C1orf35: variants seen among roughly 807,000 people sequenced by gnomAD.
C1orf35 encodes multiple myeloma tumor-associated protein 2.
C1orf35 carries 36 observed loss-of-function variants against 30.9 expected under a neutral mutation model. The ratio of observed to expected loss-of-function variants is 1.16; its 90% CI spans 0.89 to 1.54. C1orf35 has a LOEUF of 1.54. Among genes scored for constraint, C1orf35 ranks in the 40% most tolerant of loss-of-function variants. C1orf35 has a pLI of 0.00. For missense variants in C1orf35, 396 were observed against 358.7 expected (o/e 1.10, Z -0.84); for synonymous variants, 179 against 148.2 (o/e 1.21, Z -1.51).
chr1:228,101,543 C>A, intron 6 of C1orf35, 70 bp from the exon 7 acceptor site: 7 of 1,587,044 alleles, frequency 4.4e-6, no homozygotes, highest in Non-Finnish European at 6.0e-6. Context: ...ACAAGCAGGC[C>A]CCATCCAGAT....
chr1:228,101,652 A>T (rs1053905659), intron 6 of C1orf35, 179 bp from the exon 7 acceptor site: 4 of 1,457,760 alleles, frequency 2.7e-6, no homozygotes, highest in Non-Finnish European at 2.7e-6. Context: ...TACGTGGGTT[A>T]GAAACAGATG....
chr1:228,101,942 A>G (rs2032976398), intron 6 of C1orf35, 138 bp downstream of exon 6: 3 of 1,425,952 alleles, frequency 2.1e-6, no homozygotes, highest in Non-Finnish European at 2.7e-6. Flanking sequence ...AGTAACTGGG[A>G]CAGGAAGTAA....
At chr1:228,101,820 G>A (rs539414015) in intron 6 of C1orf35, 8 of 1,413,632 alleles carry the variant, frequency 5.7e-6, no homozygotes, top group South Asian at 4.7e-5. Context: ...GCAGGAAAAG[G>A]CCCCGCCCCA....
rs1201756399 is a variant in C1orf35, at chr1:228,102,379, G to A, written c.378C>T (p.Gly126=). The stretch of plus-strand genomic sequence containing the variant: ...GGGACATCGCCACGCGGCCCACGGA[G>A]CCACTGCAGGGACATGGCGATGAAG... ...DRLLGLGSAS[G]SVGRVAMSRE... is the part of the protein sequence containing the mutation. The change falls in exon 5 of 8, where the codon GGC becomes GGT. Residue 126 remains glycine, a synonymous_variant. Transcript: ENST00000272139. 2 of 1,610,442 alleles carry A rather than the reference G, an allele frequency of 1.2e-6. No homozygotes were observed. Among genetic ancestry groups the A allele is most frequent in the Non-Finnish European group, 1.7e-6 (2 of 1,179,468 alleles).
At chr1:228,101,824 C>G in intron 6 of C1orf35, 1 of 1,415,574 alleles carries the variant, frequency 7.1e-7, no homozygotes, top group African/African-American at 1.4e-5. Context: ...GAAAAGGCCC[C>G]GCCCCAGGTC....
rs922747896 is a variant in C1orf35 at position 228,102,255 on chromosome 1, C to A, written c.447+55G>T. ...CCCGGGGAGCTCCGTTCAGTGCCCC[C>A]GCCCCGCCCCACCCCTGTTAGCCCC... On this transcript the variant is annotated intron_variant, in intron 5 of 7. Transcript: ENST00000272139. The A allele has an allele frequency of 5.0e-5, 80 of 1,586,936 alleles. No homozygotes were observed. The African/African-American group carries it at 8.2e-4, about 16-fold the overall frequency.
At chr1:228,101,712 T>G (rs2032950462) in intron 6 of C1orf35, 1 of 1,424,240 alleles carries the variant, frequency 7.0e-7, no homozygotes, top group Non-Finnish European at 9.1e-7. Context: ...AGCCGTGCCC[T>G]TGGCAGGTTG....
intron 5 of C1orf35, 38 bp from the exon 6 acceptor site, chr1:228,102,203 C>T (rs755215152): frequency 1.3e-6 from 2 of 1,565,236 alleles, no homozygotes; most frequent in East Asian, 4.7e-5. Flanking sequence ...AGTCTGCGGG[C>T]CGGCCCCACA....
At chr1:228,102,423 G>A (rs750285905) in intron 4 of C1orf35, 41 bp from the exon 5 acceptor site, 28 of 1,589,038 alleles carry the variant, frequency 1.8e-5, no homozygotes, top group Non-Finnish European at 2.4e-5. Flanking sequence ...GCAGGGGTCC[G>A]CCTCACCCGA....
intron 6 of C1orf35, chr1:228,101,746 A>G: frequency 7.1e-7 from 1 of 1,413,386 alleles, no homozygotes; most frequent in Non-Finnish European, 9.2e-7. Flanking sequence ...TGCACCCACC[A>G]GGCCACTCTT....
At position 228,100,844 on chromosome 1, in the gene C1orf35, G is replaced by C. The variant is rs892597913; in HGVS notation, c.*287C>G. ...TAGGCCCATGGCTGCTGCAACCATG[G>C]GCAGGACACAGAGGGAGTCCAGCCT... On this transcript the variant is annotated 3_prime_UTR_variant, in exon 8 of 8. Transcript: ENST00000272139. The C allele has an allele frequency of 1.2e-5, 6 of 481,026 alleles. No homozygotes were observed. In the Admixed American group the frequency reaches 2.2e-4, roughly 17 times the overall value. The allele number at this position is 481,026 out of a possible 1,614,324, so 29.8% of individuals were successfully genotyped here. A position where few individuals can be genotyped will look rare whatever the true frequency, so the allele number is the denominator to read the frequency against.
chr1:228,102,243 G>C, intron 5 of C1orf35, 67 bp downstream of exon 5: 1 of 1,576,086 alleles, frequency 6.3e-7, no homozygotes, highest in Non-Finnish European at 8.6e-7. Flanking sequence ...GGGGAGCTCC[G>C]TTCAGTGCCC....
Position 228,103,262 on chromosome 1 carries a change from T to TTGCAACC in C1orf35, c.-42_-36dup. The TTGCAACC allele has an allele frequency of 1.2e-6, 2 of 1,604,270 alleles. No homozygotes were observed. The highest frequency in any genetic ancestry group is 1.7e-6 in the Non-Finnish European group (2 of 1,176,780). ...AAGGCAGTTGCCTGGGGCCTGCGGC[T>TTGCAACC]TGCAACCTGCAACCCGCAACCCGAG... On this transcript the variant is annotated 5_prime_UTR_variant, in exon 1 of 8. Transcript: ENST00000272139.
intron 6 of C1orf35, 136 bp from the exon 7 acceptor site, chr1:228,101,609 A>G (rs1372037656): frequency 1.2e-5 from 18 of 1,501,788 alleles, no homozygotes; most frequent in Non-Finnish European, 1.5e-5. Context: ...TACAAATTCC[A>G]CTCCTCAGTT....
intron 6 of C1orf35, 83 bp downstream of exon 6, chr1:228,101,997 C>A: frequency 7.0e-7 from 1 of 1,433,894 alleles, no homozygotes; most frequent in Non-Finnish European, 9.1e-7. Context: ...AGAGAAGCTG[C>A]CACCTGCCCG....
rs900038342 is a variant in C1orf35, at chr1:228,103,122, G to A, written c.94+12C>T. 3.1e-6 allele frequency: 5 copies of A among 1,609,790 alleles called. No individual in the cohort carries two copies. The African/African-American group carries it at 5.4e-5, about 17-fold the overall frequency. ...GCCCGGAGCCCGGAGCCCGCCCACC[G>A]CGCGCACCCACCCAGGTAGTTCTCC... On this transcript the variant is annotated intron_variant, in intron 1 of 7. Transcript: ENST00000272139.
chr1:228,101,902 C>T (rs2124864577), intron 6 of C1orf35, 178 bp downstream of exon 6: 1 of 1,421,428 alleles, frequency 7.0e-7, no homozygotes, highest in African/African-American at 1.4e-5. Flanking sequence ...CAAGGGTGAC[C>T]CGAGAAACTC....
chr1:228,102,618 C>T (rs1270610326), intron 3 of C1orf35, 25 bp downstream of exon 3: 2 of 1,591,540 alleles, frequency 1.3e-6, no homozygotes, highest in Non-Finnish European at 1.7e-6. Context: ...CGGCCCTCCA[C>T]GCGCCCCCCA....
Position 228,102,069 on chromosome 1 carries a change from C to T in C1orf35, c.533+11G>A, listed in dbSNP as rs371322063. On this transcript the variant is annotated intron_variant, in intron 6 of 7. Coordinates refer to ENST00000272139, the MANE Select transcript of C1orf35 (RefSeq NM_024319.4). The stretch of plus-strand genomic sequence containing the variant: ...CCCGGGGCACAGCTAGCCCAGGTGG[C>T]ACAGCCTCACCTGCTTTCCGTCTGA... 83 of 1,555,722 alleles carry T rather than the reference C, an allele frequency of 5.3e-5. No homozygotes were observed. The highest frequency in any genetic ancestry group is 6.9e-5 in the Non-Finnish European group (80 of 1,158,156).
Sources: allele counts gnomAD v4.1 joint callset, GRCh38; gene constraint gnomAD v4.1.1; transcripts MANE v1.5; gene names NCBI Gene and HGNC (gene_info 2026-07-23, HGNC 2026-07-21).